Variants in NLGN1 observed in about 807,000 individuals in gnomAD.
The protein encoded by NLGN1 is neuroligin-1.
NLGN1 carries 12 observed loss-of-function variants against 65.5 expected under a neutral mutation model. The observed-to-expected ratio is 0.18, with a 90% CI of 0.12 to 0.30. The LOEUF (loss-of-function observed/expected upper bound fraction) is 0.30. NLGN1 is among the 10% of genes least tolerant of loss of function. The pLI, the probability that NLGN1 is intolerant of heterozygous loss-of-function variation, is 1.00. For missense variants in NLGN1, 750 were observed against 1,007.1 expected (o/e 0.74, Z 3.46); for synonymous variants, 350 against 359.5 (o/e 0.97, Z 0.30).
chr3:173,609,401 G>A (rs1006762160), intron 3 of NLGN1, among the ~76,000 whole-genome samples: 4 of 151,982 alleles, frequency 2.6e-5, no homozygotes, highest in South Asian at 2.1e-4. Context: ...AGTGTTTTAC[G>A]TGCTCTGGTT....
chr3:173,901,767 G>A (rs1404228661), intron 4 of NLGN1, among the ~76,000 whole-genome samples: 1 of 152,006 alleles, frequency 6.6e-6, no homozygotes, highest in Non-Finnish European at 1.5e-5. Flanking sequence ...TTAAAATGCT[G>A]TTGAATTTTA....
intron 4 of NLGN1, among the ~76,000 whole-genome samples, chr3:174,066,119 C>A (rs1481364108): frequency 2.6e-5 from 4 of 152,112 alleles, no homozygotes; most frequent in African/African-American, 9.6e-5. Flanking sequence ...TTTCTGAGAT[C>A]TTAAAAAAGG....
intron 2 of NLGN1, among the ~76,000 whole-genome samples, chr3:173,535,008 G>A (rs1043018825): frequency 6.6e-6 from 1 of 152,146 alleles, no homozygotes; most frequent in African/African-American, 2.4e-5. Flanking sequence ...ATAACTTACA[G>A]AGAATAATAC....
rs74915067 is a variant in NLGN1 at position 174,074,693 on chromosome 3, G to A, written c.647-200622G>A. The stretch of plus-strand genomic sequence containing the variant: ...TATTTTACCACAAACATTGATATAA[G>A]TTTCTGAGCTTCCCAGTGCCAACTC... On this transcript the variant is annotated intron_variant, in intron 4 of 6. Coordinates refer to ENST00000457714, the Ensembl canonical transcript of NLGN1. Among the ~76,000 whole-genome samples the A allele has an allele frequency of 2.5e-3, 385 of 152,288 alleles. 3 individuals carry two copies. The highest frequency in any genetic ancestry group is 9.0e-3 in the African/African-American group (375 of 41,576).
At chr3:173,814,909 A>C (rs1718697310) in intron 4 of NLGN1, among the ~76,000 whole-genome samples, 1 of 152,196 alleles carries the variant, frequency 6.6e-6, no homozygotes, top group Admixed American at 6.5e-5. Flanking sequence ...TGCAATGAGA[A>C]GGGAGCTACT....
At chr3:174,121,492 AAATT>A (rs10608139) in intron 4 of NLGN1, among the ~76,000 whole-genome samples, 40,390 of 151,914 alleles carry the variant, frequency 0.27, 7,015 homozygotes, top group African/African-American at 0.51. Context: ...CAAGTATATG[AAATT>A]AATTAGCTAA....
chr3:173,987,749 G>T (rs1341383915), intron 4 of NLGN1, among the ~76,000 whole-genome samples: 2 of 152,126 alleles, frequency 1.3e-5, no homozygotes, highest in African/African-American at 2.4e-5. Context: ...ATTTTTAGTT[G>T]TATTGAGAAT....
At chr3:173,472,210 T>C (rs935622252) in intron 2 of NLGN1, among the ~76,000 whole-genome samples, 2 of 152,160 alleles carry the variant, frequency 1.3e-5, no homozygotes, top group African/African-American at 4.8e-5. Flanking sequence ...ACCTAGCTTC[T>C]TACCCTGCCC....
intron 1 of NLGN1, among the ~76,000 whole-genome samples, chr3:173,401,712 G>T (rs993393546): frequency 6.6e-6 from 1 of 152,110 alleles, no homozygotes; most frequent in African/African-American, 2.4e-5. Flanking sequence ...AAGGGGAAAT[G>T]GATTTGGTTT....
chr3:173,766,542 GT>G (rs1778815879), intron 3 of NLGN1, among the ~76,000 whole-genome samples: 1 of 152,060 alleles, frequency 6.6e-6, no homozygotes, highest in Non-Finnish European at 1.5e-5. Flanking sequence ...ACTATATTAG[GT>G]ATGTGCTTGT....
At chr3:173,472,594 A>G (rs1725489284) in intron 2 of NLGN1, among the ~76,000 whole-genome samples, 1 of 152,034 alleles carries the variant, frequency 6.6e-6, no homozygotes, top group African/African-American at 2.4e-5. Context: ...GGAATTTATT[A>G]ATATCACCAA....
chr3:173,422,905 TCC>T (rs1715365037), intron 1 of NLGN1, among the ~76,000 whole-genome samples: 1 of 152,194 alleles, frequency 6.6e-6, no homozygotes. Flanking sequence ...TCTGTATTAG[TCC>T]ATTCTCACAC....
At chr3:174,188,637 C>T (rs1378963937) in intron 4 of NLGN1, among the ~76,000 whole-genome samples, 1 of 152,028 alleles carries the variant, frequency 6.6e-6, no homozygotes, top group Non-Finnish European at 1.5e-5. Flanking sequence ...TCACACCCTA[C>T]TACTAAACTG....
chr3:173,685,288 A>G (rs972499863), intron 3 of NLGN1, among the ~76,000 whole-genome samples: 15 of 152,250 alleles, frequency 9.9e-5, no homozygotes, highest in African/African-American at 3.6e-4. Context: ...CCTGTGGACA[A>G]GAAAAGAACA....
In NLGN1 at chr3:173,839,603, A is replaced by G. The variant is rs542005513; in HGVS notation, c.646+31771A>G. 2.9e-3 allele frequency among the ~76,000 whole-genome samples: 448 copies of G among 152,046 alleles called. 7 individuals carry two copies. Among genetic ancestry groups the G allele is most frequent in the African/African-American group, 1.0e-2 (415 of 41,506 alleles). ...ACGCCCGGCTAATTTTTGTGTTTTT[A>G]GTAGAGATGGGGTTTTACCATGTTG... On this transcript the variant is annotated intron_variant, in intron 4 of 6. Coordinates refer to ENST00000457714, the Ensembl canonical transcript of NLGN1.
chr3:174,284,878 G>T (rs1366961191), exon 7 of NLGN1: 1 of 151,232 alleles, frequency 6.6e-6, no homozygotes, highest in African/African-American at 2.4e-5. Flanking sequence ...CCAAAGTGAT[G>T]CTTTATTTCC....
At chr3:173,444,282 T>C (rs1440703063) in intron 2 of NLGN1, among the ~76,000 whole-genome samples, 1 of 152,198 alleles carries the variant, frequency 6.6e-6, no homozygotes, top group East Asian at 1.9e-4. Flanking sequence ...GATAGATGTC[T>C]GTGGCTCCAT....
intron 3 of NLGN1, among the ~76,000 whole-genome samples, chr3:173,629,574 A>G (rs1430862824): frequency 6.6e-6 from 1 of 152,190 alleles, no homozygotes; most frequent in Admixed American, 6.6e-5. Flanking sequence ...TTATATTTGA[A>G]TGAAGATCTA....
intron 4 of NLGN1, among the ~76,000 whole-genome samples, chr3:173,874,516 A>G (rs28707580): frequency 0.046 from 7,047 of 152,300 alleles, 368 homozygotes; most frequent in African/African-American, 0.13. Context: ...ATTTGGGGCT[A>G]TAATTATAAT....
Sources: allele counts gnomAD v4.1 joint callset (sites outside exome capture counted in the v4.1 genomes callset), GRCh38; gene constraint gnomAD v4.1.1; transcripts MANE v1.5; gene names NCBI Gene and HGNC (gene_info 2026-07-23, HGNC 2026-07-21).